Variants in ARHGAP24 observed in about 807,000 individuals in gnomAD.
The protein encoded by ARHGAP24 is Rho GTPase activating protein 24.
In ARHGAP24, 50 loss-of-function variants were observed where a neutral mutation model predicts 76.4. The ratio of observed to expected loss-of-function variants is 0.65; its 90% CI spans 0.52 to 0.83. The LOEUF (loss-of-function observed/expected upper bound fraction) is 0.83. ARHGAP24 is among the 40% of genes least tolerant of loss of function. ARHGAP24 has a pLI of 0.00. For synonymous variants in ARHGAP24, 345 were observed against 323.3 expected (o/e 1.07, Z -0.72); for missense variants, 930 against 914.2 (o/e 1.02, Z -0.22).
intron 4 of ARHGAP24, 78 bp downstream of exon 4, chr4:85,923,848 T>C: frequency 6.3e-7 from 1 of 1,589,472 alleles, no homozygotes; most frequent in Non-Finnish European, 8.6e-7. Flanking sequence ...CGAATGTTAC[T>C]ATTAGCTCCT....
At chr4:85,515,487 CAT>C (rs139510233) in intron 1 of ARHGAP24, among the ~76,000 whole-genome samples, 1,664 of 144,834 alleles carry the variant, frequency 0.011, 22 homozygotes, top group African/African-American at 0.035. Flanking sequence ...TAAACTAGGA[CAT>C]ATATATATAT....
intron 3 of ARHGAP24, among the ~76,000 whole-genome samples, chr4:85,768,812 C>G (rs1727026004): frequency 6.6e-6 from 1 of 152,000 alleles, no homozygotes; most frequent in South Asian, 2.1e-4. Context: ...AAGATGAGAT[C>G]ACTTGTGTAG....
chr4:85,913,753 A>G (rs1735215487), intron 3 of ARHGAP24, among the ~76,000 whole-genome samples: 1 of 152,188 alleles, frequency 6.6e-6, no homozygotes, highest in Non-Finnish European at 1.5e-5. Flanking sequence ...GAATCAAAGG[A>G]TATAAAAGTA....
intron 3 of ARHGAP24, among the ~76,000 whole-genome samples, chr4:85,831,283 C>T (rs758195749): frequency 6.6e-6 from 1 of 152,106 alleles, no homozygotes; most frequent in Non-Finnish European, 1.5e-5. Flanking sequence ...ATCAGTAAGA[C>T]AATGTAATTA....
rs186715854 is a variant in ARHGAP24 at position 85,755,924 on chromosome 4, C to T, written c.268+33952C>T. On this transcript the variant is annotated intron_variant, in intron 3 of 9. Coordinates refer to ENST00000395184, the MANE Select transcript of ARHGAP24 (RefSeq NM_001025616.3). The stretch of plus-strand genomic sequence containing the variant: ...CTGGGAGTACAGGCGTGAGCCACCG[C>T]GCTAGGCCTGGAAAGTTTCTATTCT... Among the ~76,000 whole-genome samples the T allele has an allele frequency of 5.3e-4, 81 of 152,126 alleles. 1 individual carries two copies. The highest frequency in any genetic ancestry group is 4.1e-4 in the Non-Finnish European group (28 of 67,970).
chr4:85,485,162 G>A (rs890765220), intron 1 of ARHGAP24, among the ~76,000 whole-genome samples: 2 of 150,134 alleles, frequency 1.3e-5, no homozygotes, highest in African/African-American at 2.5e-5. Flanking sequence ...TGGCTAACAC[G>A]GTGAAACCCC....
intron 3 of ARHGAP24, among the ~76,000 whole-genome samples, chr4:85,816,672 A>T (rs980414810): frequency 1.3e-5 from 2 of 152,168 alleles, no homozygotes; most frequent in Non-Finnish European, 2.9e-5. Flanking sequence ...ATCCATCAGT[A>T]GACACTGAGG....
intron 2 of ARHGAP24, among the ~76,000 whole-genome samples, chr4:85,681,044 A>G (rs1041086918): frequency 2.6e-5 from 4 of 152,290 alleles, no homozygotes; most frequent in South Asian, 4.1e-4. Context: ...CTGAGCTTTT[A>G]TACTGTAGAA....
At chr4:85,950,088 C>T (rs1415802715) in intron 5 of ARHGAP24, among the ~76,000 whole-genome samples, 1 of 152,072 alleles carries the variant, frequency 6.6e-6, no homozygotes, top group Admixed American at 6.6e-5. Flanking sequence ...GACAAGAGGC[C>T]TGTTACACCT....
At chr4:85,665,149 A>G (rs1354687514) in intron 2 of ARHGAP24, among the ~76,000 whole-genome samples, 1 of 152,084 alleles carries the variant, frequency 6.6e-6, no homozygotes. Flanking sequence ...GTGGGAGTCT[A>G]AGTTTCTTTG....
chr4:85,491,780 T>G (rs1723367486), intron 1 of ARHGAP24, among the ~76,000 whole-genome samples: 3 of 152,166 alleles, frequency 2.0e-5, no homozygotes, highest in African/African-American at 4.8e-5. Context: ...TGGAGTGCTA[T>G]CTCATTGAAT....
intron 2 of ARHGAP24, among the ~76,000 whole-genome samples, chr4:85,655,618 C>T (rs972777263): frequency 2.0e-5 from 3 of 151,594 alleles, no homozygotes; most frequent in African/African-American, 7.3e-5. Flanking sequence ...TCTGTCTCTA[C>T]TAAAAATACA....
chr4:85,853,442 G>A (rs1276724817), intron 3 of ARHGAP24, among the ~76,000 whole-genome samples: 1 of 152,154 alleles, frequency 6.6e-6, no homozygotes, highest in African/African-American at 2.4e-5. Context: ...CAGGTGAGGT[G>A]ATGCCCCGCC....
intron 2 of ARHGAP24, among the ~76,000 whole-genome samples, chr4:85,576,429 C>CA (rs397949039): frequency 0.03 from 3,730 of 124,248 alleles, 124 homozygotes; most frequent in African/African-American, 0.096. Context: ...GACTCCATCT[C>CA]AAAAAAAAAA....
intron 2 of ARHGAP24, among the ~76,000 whole-genome samples, chr4:85,645,202 A>G (rs925574756): frequency 6.6e-6 from 1 of 152,162 alleles, no homozygotes; most frequent in African/African-American, 2.4e-5. Context: ...GTCATTTAAA[A>G]CAAATGCCTT....
chr4:85,528,123 A>G (rs910697739), intron 1 of ARHGAP24, among the ~76,000 whole-genome samples: 2 of 152,088 alleles, frequency 1.3e-5, no homozygotes, highest in Non-Finnish European at 2.9e-5. Context: ...GCTGAAGAAT[A>G]GGACTGAAAT....
intron 8 of ARHGAP24, among the ~76,000 whole-genome samples, chr4:85,980,052 G>A (rs568914684): frequency 2.6e-5 from 4 of 152,114 alleles, no homozygotes; most frequent in African/African-American, 9.6e-5. Context: ...GATTTCTTAG[G>A]CTCATATGTT....
chr4:85,631,611 T>C (rs182454571), intron 2 of ARHGAP24, among the ~76,000 whole-genome samples: 1 of 152,154 alleles, frequency 6.6e-6, no homozygotes, highest in African/African-American at 2.4e-5. Flanking sequence ...ATAGATTCAA[T>C]GTTCACTTCT....
intron 3 of ARHGAP24, among the ~76,000 whole-genome samples, chr4:85,786,450 A>G (rs1222472885): frequency 2.6e-5 from 4 of 152,222 alleles, no homozygotes; most frequent in African/African-American, 9.6e-5. Context: ...GAACTTCTGT[A>G]GCTCTTGAAA....
Sources: gnomAD v4.1 joint callset for allele counts (sites outside exome capture counted in the v4.1 genomes callset) on GRCh38, gnomAD v4.1.1 for gene constraint, MANE v1.5 for transcripts, NCBI Gene and HGNC (gene_info 2026-07-23, HGNC 2026-07-21) for gene names.